DNMBP: variants seen among roughly 807,000 people sequenced by gnomAD.
The protein encoded by DNMBP is dynamin-binding protein.
A neutral mutation model predicts 150.0 loss-of-function variants in DNMBP; 87 were observed. The observed-to-expected ratio is 0.58, with a 90% CI of 0.49 to 0.69. DNMBP has a LOEUF of 0.69. DNMBP is among the 30% of genes least tolerant of loss of function. The probability of loss-of-function intolerance (pLI) is 0.00; values close to 1 mark genes in which losing one functional copy is unlikely to be tolerated. For synonymous variants in DNMBP, 711 were observed against 750.4 expected (o/e 0.95, Z 0.86); for missense variants, 1,774 against 1,949.0 (o/e 0.91, Z 1.69).
In DNMBP at chr10:99,882,993, G is replaced by C. The variant is rs1199056457; in HGVS notation, c.3997+1018C>G. ...CGCTTGAAGGCAGAGGTTGCAGTGA[G>C]CTGAGATCGTGCTGCTGCACTCTAG... On this transcript the variant is annotated intron_variant, in intron 15 of 16. Coordinates refer to ENST00000324109, the MANE Select transcript of DNMBP (RefSeq NM_015221.4). Among the ~76,000 whole-genome samples the C allele has an allele frequency of 3.3e-5, 5 of 152,326 alleles. No homozygotes were observed. In the East Asian group the frequency reaches 9.7e-4, roughly 29 times the overall value.
chr10:99,880,137 G>A lies in DNMBP; in HGVS notation c.4222C>T (p.Pro1408Ser), dbSNP rs139251700. ...SCQKQPQDAS[P>S]PPKECDQGTL... ...CCTTGGTCACATTCTTTTGGCGGAG[G>A]AGATGCATCTTGAGGCTGCTTCTGG... Residue 1408 changes from proline to serine, a missense_variant, in exon 16 of 17, where the codon CCT (proline) becomes TCT (serine). Coordinates refer to ENST00000324109, the MANE Select transcript of DNMBP (RefSeq NM_015221.4). 21 of 1,614,036 alleles carry A rather than the reference G, an allele frequency of 1.3e-5. No individual in the cohort carries two copies. In the African/African-American group the frequency reaches 2.0e-4, roughly 15 times the overall value.
At chr10:99,891,744 CCGCCATCACATCTAGGAAGTGAGGAGCGT>C in intron 11 of DNMBP, among the ~76,000 whole-genome samples, 6 of 113,298 alleles carry the variant, frequency 5.3e-5, no homozygotes, top group African/African-American at 3.0e-4. Context: ...CTCTTCCCGG[CCGCCATCACATCTAGGAAGTGAGGAGCGT>C]CTCTGCCCGG....
chr10:99,968,157 C>T (rs1479120225), intron 3 of DNMBP, among the ~76,000 whole-genome samples: 1 of 152,136 alleles, frequency 6.6e-6, no homozygotes, highest in East Asian at 1.9e-4. Context: ...GTGCATACCA[C>T]CATGCCTGGC....
chr10:99,983,977 A>G (rs2040804564), intron 1 of DNMBP, among the ~76,000 whole-genome samples: 1 of 152,230 alleles, frequency 6.6e-6, no homozygotes, highest in Admixed American at 6.5e-5. Context: ...GAACACTTCT[A>G]TAAATTTTTT....
rs1161940508 is a variant in DNMBP, at chr10:99,885,868, T to TGGGG, written c.3619-6_3619-3dup. 2.5e-6 allele frequency: 4 copies of TGGGG among 1,608,382 alleles called. No homozygotes were observed. The East Asian group carries it at 8.9e-5, about 36-fold the overall frequency. ...CTCTCTGCCAGCCACTTTGAGTAAC[T>TGGGG]GGGGTCCATGGGAAGAGCAGAGATA... On this transcript the variant is annotated splice_polypyrimidine_tract_variant and splice_region_variant and intron_variant, in intron 13 of 16. Transcript: ENST00000324109.
At chr10:99,960,691 A>G (rs1252262225) in intron 3 of DNMBP, among the ~76,000 whole-genome samples, 1 of 152,174 alleles carries the variant, frequency 6.6e-6, no homozygotes, top group African/African-American at 2.4e-5. Context: ...CTATAACCCC[A>G]GCTACTCGAG....
In DNMBP at chr10:99,877,033, G is replaced by T; in HGVS notation, c.*118C>A. ...TCTGTGGTGTGCTCCACCATGCCATGGTTAAGCAACGCAGACAGGGCCTGT... is the reference window on the plus strand; with the variant it reads ...TCTGTGGTGTGCTCCACCATGCCATTGTTAAGCAACGCAGACAGGGCCTGT... On this transcript the variant is annotated 3_prime_UTR_variant, in exon 17 of 17. Coordinates refer to ENST00000324109, the MANE Select transcript of DNMBP (RefSeq NM_015221.4). 2 of 859,156 alleles carry T rather than the reference G, an allele frequency of 2.3e-6. No individual in the cohort carries two copies. The highest frequency in any genetic ancestry group is 3.6e-6 in the Non-Finnish European group (2 of 555,490). 53.2% of individuals were successfully genotyped at this position (859,156 alleles called of 1,614,324 possible).
rs181966397 is a variant in DNMBP, at chr10:99,908,824, C to G, written c.2454+129G>C. On this transcript the variant is annotated intron_variant, in intron 5 of 16. Coordinates refer to ENST00000324109, the MANE Select transcript of DNMBP (RefSeq NM_015221.4). ...GTATGTTGAGGCCCTTGATTAAGAG[C>G]AGCAGCACTCACAGTCACAGTTTCT... 1.1e-5 allele frequency: 9 copies of G among 836,506 alleles called. No individual in the cohort carries two copies. In the Admixed American group the frequency reaches 1.6e-4, roughly 15 times the overall value. The allele number at this position is 836,506 out of a possible 1,614,324, so 51.8% of individuals were successfully genotyped here. A position where few individuals can be genotyped will look rare whatever the true frequency, so the allele number is the denominator to read the frequency against.
At position 99,891,529 on chromosome 10, in the gene DNMBP, A is replaced by C. The variant is rs1441020291; in HGVS notation, c.3157-2576T>G. ...GCGTGATCTCGGCTCGCTACAACCT[A>C]CACCTCCCAGCCGCCTGCCTTGGAC... On this transcript the variant is annotated intron_variant, in intron 11 of 16. Coordinates refer to ENST00000324109, the MANE Select transcript of DNMBP (RefSeq NM_015221.4). Among the ~76,000 whole-genome samples the C allele has an allele frequency of 3.7e-3, 558 of 151,546 alleles. 1 individual carries two copies. Among genetic ancestry groups the C allele is most frequent in the African/African-American group, 7.9e-3 (325 of 41,148 alleles).
rs2039391698 is a variant in DNMBP, at chr10:99,882,907, AAT to A, written c.3997+1102_3997+1103del. 3.3e-5 allele frequency among the ~76,000 whole-genome samples: 5 copies of A among 151,950 alleles called. 1 individual carries two copies. Among genetic ancestry groups the A allele is most frequent in the South Asian group, 2.1e-4 (1 of 4,814 alleles). On this transcript the variant is annotated intron_variant, in intron 15 of 16. Coordinates refer to ENST00000324109, the MANE Select transcript of DNMBP (RefSeq NM_015221.4). Reference sequence around the variant, plus strand: ...ATGGTGAAACCCCGTCTCTACAAAAAATACAAACAGTTAGCCAGGTGTGGTGG... The same window carrying A: ...ATGGTGAAACCCCGTCTCTACAAAAAACAAACAGTTAGCCAGGTGTGGTGG...
intron 4 of DNMBP, among the ~76,000 whole-genome samples, chr10:99,942,042 C>A (rs2040306816): frequency 6.6e-6 from 1 of 152,138 alleles, no homozygotes; most frequent in Non-Finnish European, 1.5e-5. Context: ...CTCTTCTTAC[C>A]CTAAATGATG....
intron 4 of DNMBP, among the ~76,000 whole-genome samples, chr10:99,939,313 T>C (rs2040268920): frequency 6.6e-6 from 1 of 152,226 alleles, no homozygotes; most frequent in Non-Finnish European, 1.5e-5. Flanking sequence ...TAACCTATGC[T>C]GTTACTTCAT....
At chr10:99,986,266 T>C (rs1019097986) in intron 1 of DNMBP, among the ~76,000 whole-genome samples, 4 of 152,074 alleles carry the variant, frequency 2.6e-5, no homozygotes, top group African/African-American at 9.7e-5. Context: ...TTCCAGTTCT[T>C]TGGGAGGCCA....
At chr10:99,905,918 T>A (rs2133240309) in intron 6 of DNMBP, among the ~76,000 whole-genome samples, 1 of 152,256 alleles carries the variant, frequency 6.6e-6, no homozygotes, top group Non-Finnish European at 1.5e-5. Flanking sequence ...GTGGGTGAGC[T>A]GTCATTGTGC....
intron 4 of DNMBP, among the ~76,000 whole-genome samples, chr10:99,941,457 T>C (rs1163166229): frequency 5.3e-5 from 8 of 152,206 alleles, no homozygotes; most frequent in East Asian, 1.9e-4. Context: ...AGGGTTACCC[T>C]TGACTCTTCT....
intron 4 of DNMBP, chr10:99,930,582 T>C (rs1157725737): frequency 4.3e-6 from 3 of 702,842 alleles, no homozygotes; most frequent in Non-Finnish European, 7.8e-6. Flanking sequence ...CCTTTTTCTG[T>C]AGGGCTGATG....
At chr10:99,885,560 C>T (rs2039443639) in intron 14 of DNMBP, 127 bp downstream of exon 14, 3 of 913,116 alleles carry the variant, frequency 3.3e-6, no homozygotes, top group Non-Finnish European at 3.2e-6. Flanking sequence ...GGTGAGAATG[C>T]AACACTATTC....
At chr10:99,889,130 G>A in intron 11 of DNMBP, 177 bp from the exon 12 acceptor site, 2 of 656,974 alleles carry the variant, frequency 3.0e-6, no homozygotes, top group Admixed American at 3.2e-5. Context: ...GACTTACGGG[G>A]CACAGAGAAA....
intron 14 of DNMBP, among the ~76,000 whole-genome samples, chr10:99,885,306 C>T (rs144888449): frequency 0.014 from 2,148 of 152,198 alleles, 24 homozygotes; most frequent in Non-Finnish European, 0.017. Context: ...GTCAAGAGAT[C>T]GAGACCACCC....
Sources: gnomAD v4.1 joint callset for allele counts (sites outside exome capture counted in the v4.1 genomes callset) on GRCh38, gnomAD v4.1.1 for gene constraint, MANE v1.5 for transcripts, NCBI Gene and HGNC (gene_info 2026-07-23, HGNC 2026-07-21) for gene names.